The following PKN2 variants were observed in gnomAD, a reference collection of about 807,000 sequenced individuals.
The protein encoded by PKN2 is protein kinase N2, also known as serine/threonine-protein kinase N2.
A neutral mutation model predicts 119.1 loss-of-function variants in PKN2; 38 were observed. That is an observed-to-expected ratio of 0.32 (90% CI 0.25 to 0.42). PKN2 has a LOEUF of 0.42. Among genes scored for constraint, PKN2 ranks in the 10% least tolerant of loss-of-function variants. The pLI is 1.00. For synonymous variants in PKN2, 390 were observed against 384.9 expected (o/e 1.01, Z -0.15); for missense variants, 850 against 1,165.1 (o/e 0.73, Z 3.94).
At chr1:88,717,029 T>G (rs9729358) in intron 1 of PKN2, among the ~76,000 whole-genome samples, 16,743 of 151,712 alleles carry the variant, frequency 0.11, 1,880 homozygotes, top group African/African-American at 0.29. Flanking sequence ...GTCTGTAAAG[T>G]ATTTTATTTC....
intron 2 of PKN2, among the ~76,000 whole-genome samples, chr1:88,742,537 T>G (rs910317119): frequency 3.3e-5 from 5 of 152,016 alleles, no homozygotes; most frequent in African/African-American, 1.2e-4. Context: ...TGCAAATTAG[T>G]TTTTTCAGAA....
intron 1 of PKN2, among the ~76,000 whole-genome samples, chr1:88,698,108 T>G (rs1473183888): frequency 1.3e-5 from 2 of 152,202 alleles, no homozygotes; most frequent in Non-Finnish European, 2.9e-5. Context: ...TACTCTACAA[T>G]GAAGGTCTTA....
At chr1:88,706,908 TTTG>T (rs1667026768) in intron 1 of PKN2, among the ~76,000 whole-genome samples, 1 of 152,026 alleles carries the variant, frequency 6.6e-6, no homozygotes, top group Non-Finnish European at 1.5e-5. Context: ...TTCATTCCAT[TTTG>T]GTCAAAGAAC....
intron 6 of PKN2, among the ~76,000 whole-genome samples, chr1:88,776,361 G>C (rs72724747): frequency 1.3e-5 from 2 of 150,780 alleles, no homozygotes; most frequent in Non-Finnish European, 3.0e-5. Flanking sequence ...TGTTATCTAG[G>C]AATCTCTTTC....
At chr1:88,788,384 A>G (rs1440339992) in intron 8 of PKN2, among the ~76,000 whole-genome samples, 1 of 152,204 alleles carries the variant, frequency 6.6e-6, no homozygotes, top group Non-Finnish European at 1.5e-5. Flanking sequence ...TCCATTTTAC[A>G]AACTAAGGAA....
intron 1 of PKN2, among the ~76,000 whole-genome samples, chr1:88,701,755 C>T: frequency 6.6e-6 from 1 of 152,140 alleles, no homozygotes; most frequent in East Asian, 1.9e-4. Flanking sequence ...CTTTGAGAAG[C>T]ATCTATTTCA....
chr1:88,692,139 A>G (rs1387800232), intron 1 of PKN2, among the ~76,000 whole-genome samples: 3 of 152,128 alleles, frequency 2.0e-5, no homozygotes, highest in African/African-American at 7.2e-5. Flanking sequence ...ACCTGTTATA[A>G]ATAAGATTTA....
chr1:88,718,186 A>G (rs189261181), intron 1 of PKN2, among the ~76,000 whole-genome samples: 125 of 152,280 alleles, frequency 8.2e-4, no homozygotes, highest in Non-Finnish European at 1.0e-3. Flanking sequence ...TTCCTCTGGA[A>G]GCTTTGTCTC....
chr1:88,774,027 CAT>C (rs1487772007), intron 6 of PKN2, among the ~76,000 whole-genome samples: 2 of 152,162 alleles, frequency 1.3e-5, no homozygotes, highest in African/African-American at 4.8e-5. Flanking sequence ...AGGAACAAAT[CAT>C]AGAACTCAGG....
intron 1 of PKN2, among the ~76,000 whole-genome samples, chr1:88,738,415 A>G (rs995435197): frequency 6.6e-5 from 10 of 152,254 alleles, no homozygotes; most frequent in African/African-American, 2.4e-4. Flanking sequence ...AGGGTCAAGA[A>G]GATACTTGAA....
chr1:88,701,200 T>A (rs567951264), intron 1 of PKN2, among the ~76,000 whole-genome samples: 1 of 152,268 alleles, frequency 6.6e-6, no homozygotes, highest in Non-Finnish European at 1.5e-5. Context: ...TCCCAGTACT[T>A]TGGGAGGCTG....
intron 6 of PKN2, chr1:88,781,018 G>C: frequency 1.1e-6 from 1 of 901,982 alleles, no homozygotes; most frequent in South Asian, 2.7e-5. Flanking sequence ...CTAAAAAGAA[G>C]TATCTTACAA....
rs776261877 is a variant in PKN2 at position 88,741,175 on chromosome 1, T to C, written c.236T>C (p.Leu79Ser). 6.2e-7 allele frequency: 1 copy of C among 1,610,140 alleles called. No individual in the cohort carries two copies. Among genetic ancestry groups the C allele is most frequent in the South Asian group, 1.1e-5 (1 of 89,842 alleles). The change falls in exon 2 of 22, where the codon TTG (leucine) becomes TCG (serine). Residue 79 changes from leucine (L) to serine (S), a missense_variant. Around this residue, in one of 9 missense-constraint regions of PKN2, gnomAD observed 350 missense variants for 511.1 expected, o/e 0.68. Coordinates refer to ENST00000370521, the MANE Select transcript of PKN2 (RefSeq NM_006256.4). ...LRKVTTDKKS[L>S]AYVDNILKKS... The stretch of plus-strand genomic sequence containing the variant: ...AAAGTCACAACAGATAAAAAAAGTT[T>C]GGCTTATGTAGACAACATTTTGAAA...
chr1:88,780,454 T>A (rs922128803), intron 6 of PKN2, among the ~76,000 whole-genome samples: 4 of 152,196 alleles, frequency 2.6e-5, no homozygotes, highest in Admixed American at 6.5e-5. Flanking sequence ...TCCAGTCATA[T>A]CTGTGTAACT....
intron 2 of PKN2, among the ~76,000 whole-genome samples, chr1:88,751,770 T>C (rs115164565): frequency 0.013 from 2,014 of 152,186 alleles, 40 homozygotes; most frequent in African/African-American, 0.046. Flanking sequence ...TCTAGAGTGA[T>C]CTTTTCTTGT....
intron 1 of PKN2, among the ~76,000 whole-genome samples, chr1:88,716,240 G>A (rs1040782526): frequency 5.3e-5 from 8 of 152,236 alleles, no homozygotes; most frequent in East Asian, 1.9e-4. Flanking sequence ...GAATAAGTGC[G>A]ATGTGGTGCT....
intron 1 of PKN2, among the ~76,000 whole-genome samples, chr1:88,712,832 TTG>T (rs1223809297): frequency 2.6e-5 from 4 of 152,190 alleles, no homozygotes; most frequent in Admixed American, 2.6e-4. Context: ...ACGTGCAGGT[TTG>T]TTACATATGT....
chr1:88,808,253 G>T (rs2100882859), intron 15 of PKN2, among the ~76,000 whole-genome samples: 1 of 151,826 alleles, frequency 6.6e-6, no homozygotes, highest in South Asian at 2.1e-4. Flanking sequence ...TAACGTCTGG[G>T]TCTAATAAAG....
chr1:88,802,295 A>C (rs1671345086), intron 8 of PKN2, among the ~76,000 whole-genome samples: 1 of 151,864 alleles, frequency 6.6e-6, no homozygotes, highest in Non-Finnish European at 1.5e-5. Context: ...CTTATCCCAA[A>C]TCTCAGATCT....
Sources: gnomAD v4.1 joint callset for allele counts (sites outside exome capture counted in the v4.1 genomes callset) on GRCh38, gnomAD v4.1.1 for gene constraint, gnomAD v4.1.1 regional missense constraint, MANE v1.5 for transcripts, NCBI Gene and HGNC (gene_info 2026-07-23, HGNC 2026-07-21) for gene names.